Variants in FER observed in about 807,000 individuals in gnomAD.
The protein encoded by FER is FER tyrosine kinase, also known as tyrosine-protein kinase Fer.
FER carries 63 observed loss-of-function variants against 111.0 expected under a neutral mutation model. The observed-to-expected ratio is 0.57, with a 90% CI of 0.46 to 0.70. The LOEUF is 0.70. FER is among the 30% of genes least tolerant of loss of function. FER has a pLI of 0.00. For missense variants in FER, 914 were observed against 954.0 expected, an observed-to-expected ratio of 0.96 and a Z score of 0.55; for synonymous variants, 327 against 313.9, an observed-to-expected ratio of 1.04 and a Z score of -0.44.
At chr5:108,851,127 T>G (rs893330590) in intron 5 of FER, among the ~76,000 whole-genome samples, 4 of 152,194 alleles carry the variant, frequency 2.6e-5, no homozygotes, top group Non-Finnish European at 4.4e-5. Flanking sequence ...ATAATATACA[T>G]CATTGTATTA....
chr5:108,810,328 C>A (rs905604586), intron 3 of FER, among the ~76,000 whole-genome samples: 3 of 152,192 alleles, frequency 2.0e-5, no homozygotes, highest in African/African-American at 7.2e-5. Flanking sequence ...CTGAGAGAAG[C>A]TCTCTGTTGC....
intron 13 of FER, among the ~76,000 whole-genome samples, chr5:109,001,741 T>C (rs1256888289): frequency 6.6e-6 from 1 of 152,114 alleles, no homozygotes; most frequent in African/African-American, 2.4e-5. Context: ...AACCCCATCG[T>C]CTTAGCCCAA....
At chr5:109,016,569 C>T (rs1767157564) in intron 13 of FER, among the ~76,000 whole-genome samples, 1 of 152,008 alleles carries the variant, frequency 6.6e-6, no homozygotes, top group Non-Finnish European at 1.5e-5. Flanking sequence ...GACCAGCTTT[C>T]TCTTATCACT....
At chr5:108,910,589 A>G (rs1054572099) in intron 10 of FER, among the ~76,000 whole-genome samples, 1 of 152,080 alleles carries the variant, frequency 6.6e-6, no homozygotes. Context: ...TCACCCAAAT[A>G]GTGAACATTG....
At chr5:109,052,401 A>G in intron 16 of FER, 2 of 1,540,056 alleles carry the variant, frequency 1.3e-6, no homozygotes, top group Middle Eastern at 1.7e-4. Context: ...TCCCTCCAGC[A>G]GTTAAGTAGG....
At chr5:108,960,837 TA>T (rs1414005234) in intron 13 of FER, among the ~76,000 whole-genome samples, 4 of 152,330 alleles carry the variant, frequency 2.6e-5, no homozygotes, top group African/African-American at 7.2e-5. Context: ...TCTCAAGTCA[TA>T]AATTGAGGGG....
At chr5:109,178,593 C>T (rs1400800007) in intron 17 of FER, among the ~76,000 whole-genome samples, 1 of 152,150 alleles carries the variant, frequency 6.6e-6, no homozygotes, top group East Asian at 1.9e-4. Context: ...GCCATTGTAC[C>T]TCTGCCAAAA....
chr5:108,978,192 A>C (rs982248428), intron 13 of FER, among the ~76,000 whole-genome samples: 1 of 152,200 alleles, frequency 6.6e-6, no homozygotes, highest in Admixed American at 6.5e-5. Flanking sequence ...GATGTTTGGA[A>C]TATCTAAAAT....
intron 3 of FER, among the ~76,000 whole-genome samples, chr5:108,801,787 TTC>T (rs1011653540): frequency 5.3e-5 from 8 of 152,194 alleles, no homozygotes; most frequent in African/African-American, 1.9e-4. Flanking sequence ...AGGAGACACT[TTC>T]TGTCTTCTTT....
intron 16 of FER, among the ~76,000 whole-genome samples, chr5:109,077,155 A>C (rs1041006306): frequency 6.6e-6 from 1 of 152,208 alleles, no homozygotes; most frequent in Non-Finnish European, 1.5e-5. Context: ...GAATTTTAAC[A>C]ATATTGCTAA....
At chr5:109,044,167 C>T (rs1031281552) in intron 14 of FER, among the ~76,000 whole-genome samples, 2 of 146,956 alleles carry the variant, frequency 1.4e-5, no homozygotes, top group Admixed American at 1.4e-4. Context: ...AAAATAAATA[C>T]ACTATAAATC....
chr5:108,777,278 A>AT (rs904591890), intron 2 of FER, among the ~76,000 whole-genome samples: 10 of 152,288 alleles, frequency 6.6e-5, no homozygotes, highest in South Asian at 4.1e-4. Flanking sequence ...ATGTAATAGA[A>AT]TTTTTTTAGA....
intron 13 of FER, among the ~76,000 whole-genome samples, chr5:108,981,261 C>T (rs569597748): frequency 1.3e-5 from 2 of 151,826 alleles, no homozygotes; most frequent in African/African-American, 4.8e-5. Context: ...TTATGGGGGT[C>T]ATTGATTTAT....
intron 5 of FER, chr5:108,842,307 C>A (rs932736294): frequency 2.6e-5 from 4 of 151,842 alleles, no homozygotes; most frequent in African/African-American, 9.7e-5. Flanking sequence ...AGAATGTCAC[C>A]ATAAGAAATG....
At chr5:108,944,377 A>G (rs1470154169) in intron 10 of FER, among the ~76,000 whole-genome samples, 2 of 152,192 alleles carry the variant, frequency 1.3e-5, no homozygotes, top group South Asian at 2.1e-4. Flanking sequence ...GTGAGGGGCC[A>G]TCCTTTTGCC....
intron 13 of FER, among the ~76,000 whole-genome samples, chr5:108,970,174 A>C (rs115757210): frequency 6.8e-6 from 1 of 147,916 alleles, no homozygotes; most frequent in Non-Finnish European, 1.5e-5. Flanking sequence ...TGCTTCCTAA[A>C]TGAGCTGCAT....
chr5:109,014,061 T>C (rs111680029), intron 13 of FER, among the ~76,000 whole-genome samples: 83 of 151,020 alleles, frequency 5.5e-4, no homozygotes, highest in Admixed American at 1.1e-3. Context: ...TAGTTTCTTT[T>C]GCTGTGCAGA....
At chr5:109,092,284 C>CAAAAAAAAAAAAAAAAA (rs70999914) in intron 16 of FER, among the ~76,000 whole-genome samples, 1 of 40,424 alleles carries the variant, frequency 2.5e-5, no homozygotes, top group Admixed American at 4.8e-4. Context: ...CTTATGATGG[C>CAAAAAAAAAAAAAAAAA]AAAAAAAAAA....
intron 13 of FER, among the ~76,000 whole-genome samples, chr5:108,966,739 T>C (rs1403171224): frequency 6.6e-6 from 1 of 152,120 alleles, no homozygotes; most frequent in Non-Finnish European, 1.5e-5. Context: ...TTTCTACAAA[T>C]GTACTTTTGT....
Sources: allele counts gnomAD v4.1 joint callset (sites outside exome capture counted in the v4.1 genomes callset), GRCh38; gene constraint gnomAD v4.1.1; transcripts MANE v1.5; gene names NCBI Gene and HGNC (gene_info 2026-07-23, HGNC 2026-07-21).